Variants in CEP76 observed in about 807,000 individuals in gnomAD.
The protein encoded by CEP76 is centrosomal protein of 76 kDa.
CEP76 carries 55 observed loss-of-function variants against 83.3 expected under a neutral mutation model. The observed-to-expected ratio is 0.66, with a 90% CI of 0.53 to 0.83. The LOEUF is 0.83. Ranked by LOEUF, CEP76 falls within the 40% of genes least tolerant of loss-of-function variation. CEP76 has a pLI of 0.00. For synonymous variants in CEP76, 270 were observed against 274.5 expected (o/e 0.98, Z 0.16); for missense variants, 694 against 799.5 (o/e 0.87, Z 1.59).
intron 8 of CEP76, chr18:12,685,756 T>G (rs945433479): frequency 2.6e-5 from 4 of 152,560 alleles, no homozygotes; most frequent in African/African-American, 9.7e-5. Flanking sequence ...CTCAGCCTCC[T>G]GAGTAGCTGG....
At position 12,702,701 on chromosome 18, in the gene CEP76, A is replaced by T. The variant is rs561440733; in HGVS notation, c.-153T>A. The T allele has an allele frequency of 1.2e-6, 1 of 827,904 alleles. No homozygotes were observed. Among genetic ancestry groups the T allele is most frequent in the African/African-American group, 1.8e-5 (1 of 55,308 alleles). The allele number at this position is 827,904 out of a possible 1,614,324, so 51.3% of individuals were successfully genotyped here. A position where few individuals can be genotyped will look rare whatever the true frequency, so the allele number is the denominator to read the frequency against. ...CTCCCGGGGGACGCAACGCCGCGTC[A>T]GGCCGGGGGCTGACCTGGAAATGAG... On this transcript the variant is annotated 5_prime_UTR_variant, in exon 1 of 12. Coordinates refer to ENST00000262127, the MANE Select transcript of CEP76 (RefSeq NM_024899.4).
intron 12 of CEP76, chr18:12,665,218 T>C (rs2038779862): frequency 2.0e-5 from 3 of 152,154 alleles, no homozygotes; most frequent in African/African-American, 4.8e-5. Context: ...ATTCCAGATG[T>C]GCTAAAAAGC....
chr18:12,701,441 G>A (rs1254204470), intron 1 of CEP76, among the ~76,000 whole-genome samples: 1 of 152,104 alleles, frequency 6.6e-6, no homozygotes, highest in Non-Finnish European at 1.5e-5. Context: ...ACTTTGATCT[G>A]CCTAATGATA....
chr18:12,693,566 C>T (rs979042278), intron 6 of CEP76, among the ~76,000 whole-genome samples: 8 of 152,042 alleles, frequency 5.3e-5, no homozygotes, highest in Admixed American at 3.9e-4. Flanking sequence ...AGGCAGATCA[C>T]GAGGTCAAGA....
rs748498676 is a variant in CEP76, at chr18:12,678,365, AT to A, written c.1366del (p.Ile456LeufsTer20). 1.9e-6 allele frequency: 3 copies of A among 1,614,062 alleles called. No homozygotes were observed. Among genetic ancestry groups the A allele is most frequent in the Admixed American group, 1.7e-5 (1 of 60,010 alleles). On this transcript the variant is annotated frameshift_variant, in exon 10 of 12. Transcript: ENST00000262127. LOFTEE classifies it high-confidence loss of function. The part of the protein sequence containing the change: ...QPKPLYPYRT[I>X]GCVFNHQMFL... ...CATCTGATGGTTGAAAACACAACCAATTGTTCGATATGGGTACAGTGGTTTG... is the reference window on the plus strand; with the variant it reads ...CATCTGATGGTTGAAAACACAACCAATGTTCGATATGGGTACAGTGGTTTG...
At position 12,695,358 on chromosome 18, in the gene CEP76, A is replaced by G. The variant is rs1328074795; in HGVS notation, c.707-7T>C. 2 of 1,368,740 alleles carry G rather than the reference A, an allele frequency of 1.5e-6. No individual in the cohort carries two copies. Among genetic ancestry groups the G allele is most frequent in the Middle Eastern group, 2.3e-4 (1 of 4,372 alleles). 84.8% of individuals were successfully genotyped at this position (1,368,740 alleles called of 1,614,324 possible). On this transcript the variant is annotated splice_region_variant and splice_polypyrimidine_tract_variant and intron_variant, in intron 5 of 11. Transcript: ENST00000262127. ...GAAACTTTTGATTCTGTGCCTATAA[A>G]CATAAATATTTTGAACTTCAGAGAT...
intron 9 of CEP76, among the ~76,000 whole-genome samples, chr18:12,679,820 T>C (rs1009189963): frequency 1.3e-5 from 2 of 152,056 alleles, no homozygotes; most frequent in Admixed American, 6.6e-5. Flanking sequence ...CTCAGCACTT[T>C]GGAAGGCCGT....
intron 3 of CEP76, 114 bp downstream of exon 3, chr18:12,699,716 A>C: frequency 1.6e-6 from 1 of 616,528 alleles, no homozygotes; most frequent in Non-Finnish European, 2.7e-6. Context: ...ATAAAATTTT[A>C]AGTATTTTAT....
chr18:12,699,177 G>A lies in CEP76; in HGVS notation c.322C>T (p.Leu108Phe), dbSNP rs2040062714. The A allele has an allele frequency of 1.2e-6, 2 of 1,613,496 alleles. No individual in the cohort carries two copies. Among genetic ancestry groups the A allele is most frequent in the Non-Finnish European group, 1.7e-6 (2 of 1,179,598 alleles). ...TTTCCACCCAAAACCTGAAGGTAAA[G>A]ATACCTCCGTGTTGGATCAATATTA... ...KTNIDPTRRY[L>F]YLQVLGGKAF... is the part of the protein sequence containing the mutation. Residue 108 changes from leucine (L) to phenylalanine (F), a missense_variant, in exon 4 of 12, where the codon CTT becomes TTT. Physicochemically the swap from Leu to Phe is conservative, Grantham distance 22 (BLOSUM62 0). Coordinates refer to ENST00000262127, the MANE Select transcript of CEP76 (RefSeq NM_024899.4).
chr18:12,702,566 C>A lies in CEP76; in HGVS notation c.-18G>T. On this transcript the variant is annotated 5_prime_UTR_variant, in exon 1 of 12. Coordinates refer to ENST00000262127, the MANE Select transcript of CEP76 (RefSeq NM_024899.4). ...AGCGACATGCTGGCAGCCGGCGTCT[C>A]CCCGCCGCTTCTCCCCGCCTCAGAT... is the stretch of plus-strand genomic sequence containing the variant. 6.3e-7 allele frequency: 1 copy of A among 1,589,388 alleles called. No individual in the cohort carries two copies. The highest frequency in any genetic ancestry group is 8.6e-7 in the Non-Finnish European group (1 of 1,168,812).
chr18:12,699,042 G>C lies in CEP76; in HGVS notation c.457C>G (p.Pro153Ala), dbSNP rs772713539. Residue 153 changes from proline to alanine, a missense_variant, in exon 4 of 12, where the codon CCA becomes GCA. Transcript: ENST00000262127. ...RNQRFRSKPV[P>A]CACEPDFHDG... ...TGAAAATCTGGTTCACAGGCACATG[G>C]AACAGGTTTAGAACGAAAACGTTGG... The C allele has an allele frequency of 1.2e-6, 2 of 1,613,980 alleles. No homozygotes were observed. Among genetic ancestry groups the C allele is most frequent in the South Asian group, 1.1e-5 (1 of 91,054 alleles).
At chr18:12,695,857 C>T (rs982562964) in intron 5 of CEP76, among the ~76,000 whole-genome samples, 7 of 133,622 alleles carry the variant, frequency 5.2e-5, no homozygotes, top group Non-Finnish European at 7.6e-5. Flanking sequence ...CTTCTCCACA[C>T]ACACACACAC....
chr18:12,666,748 CAAAAAA>C, intron 12 of CEP76, among the ~76,000 whole-genome samples: 1 of 134,972 alleles, frequency 7.4e-6, no homozygotes, highest in East Asian at 2.1e-4. Flanking sequence ...CACACCCGGC[CAAAAAA>C]AAAAAAACTT....
At chr18:12,685,752 C>A (rs1307577438) in intron 8 of CEP76, 1 of 152,724 alleles carries the variant, frequency 6.5e-6, no homozygotes, top group Non-Finnish European at 1.5e-5. Context: ...CTGCCTCAGC[C>A]TCCTGAGTAG....
chr18:12,688,054 T>C (rs2039606500), intron 7 of CEP76, among the ~76,000 whole-genome samples: 1 of 151,642 alleles, frequency 6.6e-6, no homozygotes. Context: ...CCATCCTGGC[T>C]AACATGGTGA....
At chr18:12,695,852 C>CCACACACA (rs375916938) in intron 5 of CEP76, among the ~76,000 whole-genome samples, 7,033 of 148,328 alleles carry the variant, frequency 0.047, 220 homozygotes, top group African/African-American at 0.091. Context: ...CATTCCTTCT[C>CCACACACA]CACACACACA....
At chr18:12,692,890 A>G (rs938477165) in intron 6 of CEP76, among the ~76,000 whole-genome samples, 3 of 152,198 alleles carry the variant, frequency 2.0e-5, no homozygotes, top group African/African-American at 7.2e-5. Flanking sequence ...CTGCATGATC[A>G]TGGCTCACTG....
chr18:12,676,279 CTTTT>C (rs1157897766), intron 10 of CEP76, among the ~76,000 whole-genome samples: 193 of 106,414 alleles, frequency 1.8e-3, no homozygotes, highest in African/African-American at 6.5e-3. Context: ...ACAGTAATTC[CTTTT>C]TTTTTTTTTT....
intron 10 of CEP76, among the ~76,000 whole-genome samples, chr18:12,676,716 T>TG (rs1568011924): frequency 6.6e-6 from 1 of 152,234 alleles, no homozygotes; most frequent in Non-Finnish European, 1.5e-5. Context: ...AGAGGTCCCC[T>TG]GACCAACTTT....
Sources: gnomAD v4.1 joint callset for allele counts (sites outside exome capture counted in the v4.1 genomes callset) on GRCh38, gnomAD v4.1.1 for gene constraint, MANE v1.5 for transcripts, NCBI Gene and HGNC (gene_info 2026-07-23, HGNC 2026-07-21) for gene names.